SLCO4A1: variants seen among roughly 807,000 people sequenced by gnomAD.
SLCO4A1 encodes colon organic anion transporter.
Under a neutral mutation model 64.6 loss-of-function variants are expected in SLCO4A1, and 51 were observed. The observed-to-expected ratio is 0.79, with a 90% CI of 0.63 to 1.00. SLCO4A1 has a LOEUF of 1.00. Ranked by LOEUF, SLCO4A1 falls within the 50% of genes least tolerant of loss-of-function variation. The pLI is 0.00. For synonymous variants in SLCO4A1, 471 were observed against 444.9 expected, an observed-to-expected ratio of 1.06 and a Z score of -0.74; for missense variants, 919 against 980.5, an observed-to-expected ratio of 0.94 and a Z score of 0.84.
intron 2 of SLCO4A1, among the ~76,000 whole-genome samples, chr20:62,680,939 C>G (rs1004109075): frequency 2.0e-5 from 3 of 152,334 alleles, no homozygotes; most frequent in Non-Finnish European, 2.9e-5. Flanking sequence ...GGGTCTCACT[C>G]TGTCACCTGG....
chr20:62,666,946 A>G (rs1986462210), intron 7 of SLCO4A1, among the ~76,000 whole-genome samples: 1 of 152,114 alleles, frequency 6.6e-6, no homozygotes, highest in Non-Finnish European at 1.5e-5. Context: ...TGGAGTTGCC[A>G]TGTGCTGGGA....
rs138628669 is a variant in SLCO4A1 at position 62,661,129 on chromosome 20, G to A, written c.1075G>A (p.Glu359Lys). 566 of 1,591,164 alleles carry A rather than the reference G, an allele frequency of 3.6e-4. 9 individuals are homozygous for A. In the South Asian group the frequency reaches 4.7e-3, roughly 13 times the overall value. ...CCAGTTGAAGGACAGCAGCCGTGGG[G>A]AGGCGAGCAACCCGGACTTTGGGAA... is the stretch of plus-strand genomic sequence containing the variant. ...MHQLKDSSRG[E>K]ASNPDFGKTI... The change falls in exon 5 of 12, where the codon GAG (glutamate) becomes AAG (lysine). Residue 359 changes from glutamate to lysine, a missense_variant. By Grantham distance (56) the Glu-to-Lys change is moderately conservative. Transcript: ENST00000217159. This position sits in a 1 kb window ranked among gnomAD's most constrained non-coding sequence, Gnocchi z 5.2.
chr20:62,643,310 G>A (rs1198396663), intron 1 of SLCO4A1: 3 of 310,444 alleles, frequency 9.7e-6, no homozygotes, highest in Non-Finnish European at 1.9e-5. Flanking sequence ...GGAAGGAGCA[G>A]GCAGGCTTAG....
chr20:62,666,788 G>T (rs1219447608), intron 7 of SLCO4A1: 1 of 585,230 alleles, frequency 1.7e-6, no homozygotes, highest in Non-Finnish European at 3.1e-6. Flanking sequence ...CTGCGCTTGG[G>T]TCCCGGCTGT....
intron 11 of SLCO4A1, 92 bp from the exon 12 acceptor site, chr20:62,671,658 C>A: frequency 8.1e-7 from 1 of 1,231,222 alleles, no homozygotes; most frequent in Non-Finnish European, 1.1e-6. Flanking sequence ...GTGCTGCAGG[C>A]TGGGGCAGGG....
At chr20:62,681,254 T>A (rs1987808207) in intron 2 of SLCO4A1, among the ~76,000 whole-genome samples, 1 of 152,190 alleles carries the variant, frequency 6.6e-6, no homozygotes, top group Non-Finnish European at 1.5e-5. Context: ...TACAAAGAGA[T>A]CCCTTGCACA....
Position 62,656,720 on chromosome 20 carries a change from G to A in SLCO4A1, c.266G>A (p.Trp89Ter). The A allele has an allele frequency of 6.2e-7, 1 of 1,610,920 alleles. No homozygotes were observed. Among genetic ancestry groups the A allele is most frequent in the East Asian group, 2.2e-5 (1 of 44,818 alleles). Residue 89 changes from tryptophan (W) to a stop codon, truncating the protein, a stop_gained, in exon 2 of 12, where the codon TGG becomes TAG. Coordinates refer to ENST00000217159, the MANE Select transcript of SLCO4A1 (RefSeq NM_016354.4). LOFTEE classifies it high-confidence loss of function. ...GGGCAGAGCGTGGCGTGCGGCTGGT[G>A]GGCCTTCGCACCGCCGTGCCTGCAG... Reference protein sequence around the residue: ...SAGQSVACGWWAFAPPCLQVL... With the variant: ...SAGQSVACGW
At chr20:62,685,890 G>C (rs1238955021), downstream of SLCO4A1, 4 of 152,218 alleles carry the variant, frequency 2.6e-5, no homozygotes, top group African/African-American at 9.7e-5. The surrounding 1 kb of genome is among the most constrained non-coding windows in gnomAD (Gnocchi z 4.6). Context: ...CACAGGGCTG[G>C]TAAACAGGTA....
intron 1 of SLCO4A1, among the ~76,000 whole-genome samples, chr20:62,652,487 C>A (rs532691880): frequency 1.3e-5 from 2 of 152,186 alleles, no homozygotes; most frequent in African/African-American, 4.8e-5. Flanking sequence ...CCGGCTTTTC[C>A]GCTGACTCCT....
chr20:62,681,385 G>A (rs1020284557), intron 2 of SLCO4A1, among the ~76,000 whole-genome samples: 2 of 152,046 alleles, frequency 1.3e-5, no homozygotes, highest in African/African-American at 4.8e-5. Flanking sequence ...GTGTGCGTGT[G>A]TATTAAGCCG....
Position 62,668,195 on chromosome 20 carries a change from G to C in SLCO4A1, c.1811+11G>C, listed in dbSNP as rs368632349. ...AACGGCAACTCTACGGTAAGCTGGG[G>C]TCGGGTGTGCGCTTGTCCAGAGCTT... On this transcript the variant is annotated intron_variant, in intron 9 of 11. Coordinates refer to ENST00000217159, the MANE Select transcript of SLCO4A1 (RefSeq NM_016354.4). The C allele has an allele frequency of 1.9e-6, 3 of 1,613,662 alleles. No individual in the cohort carries two copies. Among genetic ancestry groups the C allele is most frequent in the South Asian group, 2.2e-5 (2 of 91,088 alleles).
rs1280337894 is a variant in SLCO4A1, at chr20:62,661,416, G to GCACCCAGGGAGCCAT, written c.1121+245_1121+259dup. Among the ~76,000 whole-genome samples the GCACCCAGGGAGCCAT allele has an allele frequency of 5.3e-5, 8 of 152,136 alleles. No homozygotes were observed. Among genetic ancestry groups the GCACCCAGGGAGCCAT allele is most frequent in the African/African-American group, 1.9e-4 (8 of 41,532 alleles). On this transcript the variant is annotated intron_variant, in intron 5 of 11. Transcript: ENST00000217159. The surrounding 1 kb of genome is among the most constrained non-coding windows in gnomAD (Gnocchi z 5.2). ...CAGAGTGGGGCCGGGGCCTCGGCCCGCACCCAGGGAGCCATCACTTCACTC... is the reference window on the plus strand; with the variant it reads ...CAGAGTGGGGCCGGGGCCTCGGCCCGCACCCAGGGAGCCATCACCCAGGGAGCCATCACTTCACTC...
In SLCO4A1 at chr20:62,669,027, CCA is replaced by C. The variant is rs755192991; in HGVS notation, c.1975_1976del (p.Gln659GlufsTer52). On this transcript the variant is annotated frameshift_variant, in exon 11 of 12. Transcript: ENST00000217159. LOFTEE classifies it low-confidence loss of function (END_TRUNC). ...CGQQGSCLVY[Q>X]NSAMSRYILI... ...GCCAGCAGGGCTCCTGCTTGGTGTA[CCA>C]GAATTCGGCCATGAGCCGCTACATA... is the stretch of plus-strand genomic sequence containing the variant. 1 of 1,611,428 alleles carries C rather than the reference CCA, an allele frequency of 6.2e-7. No individual in the cohort carries two copies. Among genetic ancestry groups the C allele is most frequent in the East Asian group, 2.2e-5 (1 of 44,886 alleles).
chr20:62,661,138 A>C lies in SLCO4A1; in HGVS notation c.1084A>C (p.Asn362His), dbSNP rs1208304447. The change falls in exon 5 of 12, where the codon AAC (asparagine) becomes CAC (histidine). Residue 362 changes from asparagine to histidine, a missense_variant. Physicochemically the swap from Asn to His is moderately conservative, Grantham distance 68 (BLOSUM62 1). Transcript: ENST00000217159. The surrounding 1 kb of genome is among the most constrained non-coding windows in gnomAD (Gnocchi z 5.2). Reference protein sequence around the residue: ...LKDSSRGEASNPDFGKTIRDL... With the variant: ...LKDSSRGEASHPDFGKTIRDL... ...GGACAGCAGCCGTGGGGAGGCGAGC[A>C]ACCCGGACTTTGGGAAAACCATCAG... The C allele has an allele frequency of 6.3e-6, 10 of 1,588,718 alleles. No individual in the cohort carries two copies. The highest frequency in any genetic ancestry group is 8.6e-6 in the Non-Finnish European group (10 of 1,164,028).
At chr20:62,674,903 G>C (rs144420635), downstream of SLCO4A1, among the ~76,000 whole-genome samples, 68 of 152,342 alleles carry the variant, frequency 4.5e-4, no homozygotes, top group East Asian at 0.012. Context: ...AGCCTTGCTC[G>C]TGGGCTTCGG....
downstream of SLCO4A1, among the ~76,000 whole-genome samples, chr20:62,674,647 G>A (rs34528481): frequency 0.19 from 28,578 of 152,162 alleles, 2,988 homozygotes; most frequent in Non-Finnish European, 0.24. Flanking sequence ...ATGGGCAGAG[G>A]CAGGGGCTGT....
At chr20:62,677,212 C>T (rs2427373), downstream of SLCO4A1, among the ~76,000 whole-genome samples, 6 of 152,086 alleles carry the variant, frequency 3.9e-5, no homozygotes, top group African/African-American at 1.4e-4. Context: ...AGTTAGATAA[C>T]GGTGATGGTT....
rs551434750 is a variant in SLCO4A1, at chr20:62,685,181, C to T, written n.212-260C>T. On this transcript the variant is annotated intron_variant and non_coding_transcript_variant, in intron 2 of 2. Coordinates refer to the SLCO4A1 transcript ENST00000466818. This position sits in a 1 kb window ranked among gnomAD's most constrained non-coding sequence, Gnocchi z 4.6. ...CGAGGAGGGGGGTGGTGGGGAGGCACGGGCAGGCCTTGGGTGCAGTGAAGC... is the reference window on the plus strand; with the variant it reads ...CGAGGAGGGGGGTGGTGGGGAGGCATGGGCAGGCCTTGGGTGCAGTGAAGC... 3.2e-4 allele frequency among the ~76,000 whole-genome samples: 46 copies of T among 143,164 alleles called. No homozygotes were observed. The Middle Eastern group carries it at 0.011, about 34-fold the overall frequency. The allele number at this position is 143,164 out of a possible 152,430, so 93.9% of individuals were successfully genotyped here.
chr20:62,687,217 C>T (rs1019067445), downstream of SLCO4A1, among the ~76,000 whole-genome samples: 2 of 151,524 alleles, frequency 1.3e-5, no homozygotes, highest in Admixed American at 6.6e-5. Context: ...CAAACAGGAG[C>T]GGGGGCCTCT....
Sources: allele counts gnomAD v4.1 joint callset (sites outside exome capture counted in the v4.1 genomes callset), GRCh38; gene constraint gnomAD v4.1.1; non-coding constraint Gnocchi (gnomAD v3.1); transcripts MANE v1.5; gene names NCBI Gene and HGNC (gene_info 2026-07-23, HGNC 2026-07-21).